Variants in UNC13C observed in about 807,000 individuals in gnomAD.
UNC13C encodes the protein protein unc-13 homolog C.
Under a neutral mutation model 245.4 loss-of-function variants are expected in UNC13C, and 174 were observed. The ratio of observed to expected loss-of-function variants is 0.71; its 90% CI spans 0.63 to 0.80. The LOEUF is 0.80. UNC13C is among the 30% of genes least tolerant of loss of function. UNC13C has a pLI of 0.00. For missense variants in UNC13C, 2,829 were observed against 2,602.9 expected (o/e 1.09, Z -1.89); for synonymous variants, 992 against 895.1 (o/e 1.11, Z -1.93).
chr15:54,548,112 C>G (rs1295784063), intron 27 of UNC13C, among the ~76,000 whole-genome samples: 1 of 151,806 alleles, frequency 6.6e-6, no homozygotes, highest in Non-Finnish European at 1.5e-5. Flanking sequence ...AGATTGCAGG[C>G]TACCTTTTCC....
intron 2 of UNC13C, among the ~76,000 whole-genome samples, chr15:54,066,387 A>G (rs558068340): frequency 6.6e-6 from 1 of 152,312 alleles, no homozygotes; most frequent in African/African-American, 2.4e-5. Context: ...AGGAAGTTGA[A>G]GCTTATGTTT....
chr15:54,052,862 C>T (rs912025317), intron 2 of UNC13C, among the ~76,000 whole-genome samples: 6 of 152,136 alleles, frequency 3.9e-5, no homozygotes, highest in African/African-American at 1.4e-4. Context: ...AGAAATAGTA[C>T]TCAGTGATGT....
chr15:54,361,801 G>A (rs2039237814), intron 17 of UNC13C, among the ~76,000 whole-genome samples: 1 of 152,212 alleles, frequency 6.6e-6, no homozygotes, highest in South Asian at 2.1e-4. Context: ...CTGAAATGCT[G>A]CATCAGAACT....
chr15:54,500,910 G>C lies in UNC13C; in HGVS notation c.5233G>C (p.Glu1745Gln). Residue 1745 changes from glutamate to glutamine, a missense_variant, in exon 22 of 33, where the codon GAA becomes CAA. Glu to Gln is a conservative substitution (Grantham distance 29). Coordinates refer to ENST00000260323, the MANE Select transcript of UNC13C (RefSeq NM_001080534.3). ...DVFAQLNQSF[E>Q]IIKKLECPNP... Reference sequence around the variant, plus strand: ...CTTTGCTCAGCTGAATCAGAGCTTTGAAATTATTAAGAAACTGGAATGCCC... The same window carrying C: ...CTTTGCTCAGCTGAATCAGAGCTTTCAAATTATTAAGAAACTGGAATGCCC... 1 of 1,613,030 alleles carries C rather than the reference G, an allele frequency of 6.2e-7. No individual in the cohort carries two copies. Among genetic ancestry groups the C allele is most frequent in the African/African-American group, 1.3e-5 (1 of 74,982 alleles).
At chr15:54,209,005 C>T (rs1371197062) in intron 4 of UNC13C, among the ~76,000 whole-genome samples, 1 of 152,088 alleles carries the variant, frequency 6.6e-6, no homozygotes, top group East Asian at 1.9e-4. Context: ...AACCATGTCA[C>T]CTAAACTTTG....
chr15:54,143,873 C>A (rs1043033739), intron 4 of UNC13C, among the ~76,000 whole-genome samples, 189 bp downstream of exon 4: 1 of 147,826 alleles, frequency 6.8e-6, no homozygotes, highest in African/African-American at 2.4e-5. Context: ...TAAAACAATT[C>A]TAAAAATATG....
At chr15:54,265,010 G>A (rs1405249795) in intron 9 of UNC13C, among the ~76,000 whole-genome samples, 1 of 151,872 alleles carries the variant, frequency 6.6e-6, no homozygotes, top group African/African-American at 2.4e-5. Context: ...TGGATTACAG[G>A]CCTTTGAATT....
chr15:54,283,443 A>T (rs900439216), intron 10 of UNC13C, among the ~76,000 whole-genome samples: 6 of 152,114 alleles, frequency 3.9e-5, no homozygotes, highest in African/African-American at 1.4e-4. Flanking sequence ...CACATTGTAA[A>T]AGATATTGCT....
chr15:53,990,676 C>A (rs970996107), intron 1 of UNC13C, among the ~76,000 whole-genome samples: 3 of 151,964 alleles, frequency 2.0e-5, no homozygotes, highest in African/African-American at 7.2e-5. Flanking sequence ...GCTTGAACCT[C>A]TAGAGCCATC....
At chr15:54,111,266 T>C (rs1175371323) in intron 2 of UNC13C, among the ~76,000 whole-genome samples, 1 of 152,342 alleles carries the variant, frequency 6.6e-6, no homozygotes, top group Non-Finnish European at 1.5e-5. Context: ...TCTGTAAACA[T>C]CAAATCATTT....
chr15:54,116,669 A>G (rs1326181752), intron 2 of UNC13C, among the ~76,000 whole-genome samples: 4 of 152,188 alleles, frequency 2.6e-5, no homozygotes, highest in South Asian at 2.1e-4. Flanking sequence ...GTCTCTATGC[A>G]TTCATCCACT....
At chr15:53,996,646 C>T (rs1894646824) in intron 1 of UNC13C, among the ~76,000 whole-genome samples, 1 of 152,070 alleles carries the variant, frequency 6.6e-6, no homozygotes, top group Non-Finnish European at 1.5e-5. Flanking sequence ...TCTTCATAGC[C>T]AACCGTGTTT....
chr15:54,089,249 C>G (rs1899424177), intron 2 of UNC13C, among the ~76,000 whole-genome samples: 2 of 152,136 alleles, frequency 1.3e-5, no homozygotes, highest in East Asian at 1.9e-4. Context: ...CAAGGTATGC[C>G]TAGTACTAGT....
chr15:53,999,870 G>A (rs1894805604), intron 1 of UNC13C, among the ~76,000 whole-genome samples: 2 of 151,768 alleles, frequency 1.3e-5, no homozygotes. Context: ...CATTCTTATT[G>A]TTTTTTAAAT....
At chr15:54,020,464 A>T (rs28709051) in intron 2 of UNC13C, among the ~76,000 whole-genome samples, 108,729 of 126,224 alleles carry the variant, frequency 0.86, 45,865 homozygotes, top group East Asian at 0.95. Flanking sequence ...TTTTTTTTTT[A>T]ATTAGAGATG....
chr15:54,129,213 G>A (rs1270133185), intron 2 of UNC13C, among the ~76,000 whole-genome samples: 2 of 152,124 alleles, frequency 1.3e-5, no homozygotes, highest in South Asian at 2.1e-4. Flanking sequence ...GTTAAAGCAC[G>A]GTTTTATCAC....
intron 2 of UNC13C, among the ~76,000 whole-genome samples, chr15:54,057,605 G>C (rs1369452684): frequency 6.6e-6 from 1 of 152,172 alleles, no homozygotes; most frequent in Admixed American, 6.5e-5. Flanking sequence ...TCTGCACCAA[G>C]TGGACCTAAT....
At chr15:54,413,742 C>G (rs2040460468) in intron 18 of UNC13C, among the ~76,000 whole-genome samples, 2 of 152,018 alleles carry the variant, frequency 1.3e-5, no homozygotes, top group Non-Finnish European at 2.9e-5. Context: ...TGTCAATAGT[C>G]TTTTCTTATT....
At chr15:54,456,365 AT>A (rs1891524851) in intron 19 of UNC13C, among the ~76,000 whole-genome samples, 1 of 151,626 alleles carries the variant, frequency 6.6e-6, no homozygotes, top group Non-Finnish European at 1.5e-5. Flanking sequence ...GAACTTTAGG[AT>A]TGTTCTTTTC....
Sources: gnomAD v4.1 joint callset for allele counts (sites outside exome capture counted in the v4.1 genomes callset) on GRCh38, gnomAD v4.1.1 for gene constraint, MANE v1.5 for transcripts, NCBI Gene and HGNC (gene_info 2026-07-23, HGNC 2026-07-21) for gene names.